Variants in CASQ2 observed in about 807,000 individuals in gnomAD.
CASQ2 encodes calsequestrin-2.
CASQ2 carries 49 observed loss-of-function variants against 46.5 expected under a neutral mutation model. The observed-to-expected ratio is 1.05, with a 90% CI of 0.84 to 1.34. The LOEUF (loss-of-function observed/expected upper bound fraction) is 1.34, where lower values mean the gene tolerates loss of function less well. Ranked by LOEUF, CASQ2 falls within the 40% of genes most tolerant of loss-of-function variation. The pLI is 0.00. For synonymous variants in CASQ2, 174 were observed against 168.5 expected, an observed-to-expected ratio of 1.03 and a Z score of -0.25; for missense variants, 486 against 481.3, an observed-to-expected ratio of 1.01 and a Z score of -0.09.
At chr1:115,719,271 C>G (rs1444738368) in intron 7 of CASQ2, among the ~76,000 whole-genome samples, 1 of 95,232 alleles carries the variant, frequency 1.1e-5, no homozygotes, top group Non-Finnish European at 2.1e-5. Context: ...GCTTATTACA[C>G]AAATCGACAG....
chr1:115,759,025 A>G (rs1481790803), intron 1 of CASQ2, among the ~76,000 whole-genome samples: 1 of 152,238 alleles, frequency 6.6e-6, no homozygotes, highest in Non-Finnish European at 1.5e-5. Context: ...AAATGAGTGC[A>G]TGGAAAGTGT....
At chr1:115,713,815 G>A (rs1317857040) in intron 8 of CASQ2, among the ~76,000 whole-genome samples, 1 of 152,188 alleles carries the variant, frequency 6.6e-6, no homozygotes, top group Non-Finnish European at 1.5e-5. Context: ...TGGAGTTGGT[G>A]TGATAGGGTG....
chr1:115,724,814 C>T (rs1647520725), intron 7 of CASQ2, among the ~76,000 whole-genome samples: 1 of 152,208 alleles, frequency 6.6e-6, no homozygotes, highest in African/African-American at 2.4e-5. Flanking sequence ...AGAAAGGCCA[C>T]AGGACTTGAC....
chr1:115,750,648 A>G (rs1010152268), intron 1 of CASQ2, among the ~76,000 whole-genome samples: 7 of 152,074 alleles, frequency 4.6e-5, no homozygotes, highest in Admixed American at 1.3e-4. Context: ...AGCTGGGACT[A>G]CAGGCCTGCA....
chr1:115,732,526 C>T (rs932708993), intron 5 of CASQ2, among the ~76,000 whole-genome samples: 1 of 152,132 alleles, frequency 6.6e-6, no homozygotes, highest in African/African-American at 2.4e-5. Context: ...ACTTCCCATC[C>T]TGACGCAGTA....
intron 1 of CASQ2, among the ~76,000 whole-genome samples, chr1:115,745,805 T>C (rs1648366664): frequency 6.6e-6 from 1 of 152,208 alleles, no homozygotes; most frequent in Non-Finnish European, 1.5e-5. Flanking sequence ...TTGTGAGAAA[T>C]AATACAGAGA....
intron 8 of CASQ2, among the ~76,000 whole-genome samples, chr1:115,705,822 C>T (rs184620728): frequency 5.9e-5 from 9 of 152,150 alleles, no homozygotes; most frequent in East Asian, 1.9e-4. Flanking sequence ...CCCTCCCTCC[C>T]TCCCTCCCTA....
Position 115,703,008 on chromosome 1 carries a change from A to C in CASQ2, c.940-13T>G. ...AGTAGGCAACGAGCTGCAGCAACAA[A>C]AAAATAAGATTAGACAGCAGGCAGA... On this transcript the variant is annotated splice_polypyrimidine_tract_variant and intron_variant, in intron 9 of 10. Coordinates refer to ENST00000261448, the MANE Select transcript of CASQ2 (RefSeq NM_001232.4). 6.2e-7 allele frequency: 1 copy of C among 1,608,926 alleles called. No homozygotes were observed. Among genetic ancestry groups the C allele is most frequent in the Non-Finnish European group, 8.5e-7 (1 of 1,176,974 alleles).
chr1:115,742,530 C>T (rs556982181), intron 2 of CASQ2, among the ~76,000 whole-genome samples: 113 of 152,308 alleles, frequency 7.4e-4, no homozygotes, highest in Non-Finnish European at 1.2e-3. Flanking sequence ...GAACCTACCC[C>T]AACTCCTCCA....
At chr1:115,719,348 G>A (rs1383554852) in intron 7 of CASQ2, among the ~76,000 whole-genome samples, 4 of 152,148 alleles carry the variant, frequency 2.6e-5, no homozygotes, top group African/African-American at 7.2e-5. Context: ...AGAATATCCC[G>A]ATCAGTTCTC....
intron 8 of CASQ2, 84 bp from the exon 9 acceptor site, chr1:115,705,376 G>A (rs1654327776): frequency 1.2e-6 from 1 of 825,682 alleles, no homozygotes; most frequent in East Asian, 2.6e-5. Flanking sequence ...TTTTCCACGA[G>A]GACTTCTTAG....
At position 115,700,596 on chromosome 1, in the gene CASQ2, T is replaced by C. The variant is rs184571412; in HGVS notation, c.*645A>G. On this transcript the variant is annotated 3_prime_UTR_variant, in exon 11 of 11. Transcript: ENST00000261448. ...ATACTAGAAATGATGGTGACACCTG[T>C]ACACATTTCAAGCCCTCTCCATAGC... 5.9e-6 allele frequency: 1 copy of C among 169,148 alleles called. No individual in the cohort carries two copies. The highest frequency in any genetic ancestry group is 1.6e-4 in the East Asian group (1 of 6,184). 10.5% of individuals were successfully genotyped at this position (169,148 alleles called of 1,614,324 possible). A position where few individuals can be genotyped will look rare whatever the true frequency, so the allele number is the denominator to read the frequency against.
At chr1:115,759,590 G>A (rs1431779528) in intron 1 of CASQ2, among the ~76,000 whole-genome samples, 1 of 152,138 alleles carries the variant, frequency 6.6e-6, no homozygotes, top group African/African-American at 2.4e-5. Flanking sequence ...CCAGCCTCAG[G>A]TATTCTGTTA....
At chr1:115,705,052 G>A (rs925159098) in intron 9 of CASQ2, 140 bp downstream of exon 9, 1 of 721,698 alleles carries the variant, frequency 1.4e-6, no homozygotes, top group South Asian at 1.5e-5. Flanking sequence ...CTGCCCCAAG[G>A]GCCAAGACCT....
At chr1:115,740,888 TTGGCTGAGGTC>T in intron 2 of CASQ2, 60 bp from the exon 3 acceptor site, 1 of 1,192,790 alleles carries the variant, frequency 8.4e-7, no homozygotes, top group Non-Finnish European at 1.2e-6. Context: ...AGTGATTGTA[TTGGCTGAGGTC>T]TGGCTGAGGG....
intron 8 of CASQ2, among the ~76,000 whole-genome samples, chr1:115,710,713 G>A (rs572886453): frequency 5.1e-4 from 77 of 152,288 alleles, no homozygotes; most frequent in Non-Finnish European, 9.4e-4. Context: ...GGCTCTGAGT[G>A]GGACTGGCGT....
At chr1:115,729,208 C>A (rs1405481240) in intron 5 of CASQ2, among the ~76,000 whole-genome samples, 4 of 152,008 alleles carry the variant, frequency 2.6e-5, no homozygotes, top group Non-Finnish European at 5.9e-5. Context: ...GGCCACCACA[C>A]CCAGCTAATT....
chr1:115,756,272 T>C (rs1188330269), intron 1 of CASQ2, among the ~76,000 whole-genome samples: 1 of 152,170 alleles, frequency 6.6e-6, no homozygotes, highest in Non-Finnish European at 1.5e-5. Flanking sequence ...CAAGATGCCT[T>C]ACTGGCCCCT....
intron 8 of CASQ2, among the ~76,000 whole-genome samples, chr1:115,709,203 A>G (rs79214679): frequency 0.019 from 2,914 of 152,308 alleles, 89 homozygotes; most frequent in African/African-American, 0.065. Context: ...TTTTTTTCCA[A>G]AGAGAGCCTC....
Sources: gnomAD v4.1 joint callset for allele counts (sites outside exome capture counted in the v4.1 genomes callset) on GRCh38, gnomAD v4.1.1 for gene constraint, MANE v1.5 for transcripts, NCBI Gene and HGNC (gene_info 2026-07-23, HGNC 2026-07-21) for gene names.